Variants in OTC observed in about 807,000 individuals in gnomAD.
OTC encodes ornithine transcarbamylase, mitochondrial.
In OTC, 3 loss-of-function variants were observed where a neutral mutation model predicts 30.3. That is an observed-to-expected ratio of 0.10 (90% CI 0.05 to 0.26). The LOEUF (loss-of-function observed/expected upper bound fraction) is 0.26, where lower values mean the gene tolerates loss of function less well. Among genes scored for constraint, OTC ranks in the 10% least tolerant of loss-of-function variants. OTC has a pLI of 1.00. For missense variants in OTC, 194 were observed against 260.3 expected, an observed-to-expected ratio of 0.75 and a Z score of 1.75; for synonymous variants, 111 against 99.7, an observed-to-expected ratio of 1.11 and a Z score of -0.67.
At chrX:38,332,472 G>A in the OTC span, among the ~76,000 whole-genome samples, 1 of 73,503 alleles carries the variant, frequency 1.4e-5, no homozygotes, top group African/African-American at 5.1e-5. Flanking sequence ...TATATATGAT[G>A]TGTATATATA....
intron 1 of OTC, 67 bp from the exon 2 acceptor site, chrX:38,367,224 T>A: frequency 1.1e-6 from 1 of 931,657 alleles, no homozygotes; most frequent in South Asian, 2.1e-5. Flanking sequence ...AGTAAAACAA[T>A]GAATCACCAT....
chrX:38,408,014 G>A (rs760836753), intron 6 of OTC, among the ~76,000 whole-genome samples: 1 of 112,041 alleles, frequency 8.9e-6, no homozygotes, highest in Admixed American at 9.4e-5. Flanking sequence ...GTGCATGCAT[G>A]ACCCTGAGAA....
At chrX:38,375,840 A>G (rs959241866) in intron 3 of OTC, among the ~76,000 whole-genome samples, 2 of 111,331 alleles carry the variant, frequency 1.8e-5, no homozygotes, top group Admixed American at 9.6e-5. Context: ...ACAATTATAA[A>G]GAGAGTAAGT....
At chrX:38,334,480 G>A in the OTC span, among the ~76,000 whole-genome samples, 1 of 111,685 alleles carries the variant, frequency 9.0e-6, no homozygotes. Flanking sequence ...GCTTTCCTGG[G>A]TAGATATCTA....
intron 4 of OTC, among the ~76,000 whole-genome samples, chrX:38,398,276 A>G (rs766298537): frequency 1.0e-3 from 113 of 111,655 alleles, no homozygotes; most frequent in African/African-American, 3.6e-3. Context: ...TAATTACTTC[A>G]AGGTTTTAAA....
At chrX:38,414,081 TACCTC>T (rs2068557849) in intron 9 of OTC, among the ~76,000 whole-genome samples, 1 of 111,654 alleles carries the variant, frequency 9.0e-6, no homozygotes, top group African/African-American at 3.3e-5. Context: ...TCCAACCACA[TACCTC>T]AGGAAGAGAC....
chrX:38,409,418 G>T (rs2068532713), intron 8 of OTC, among the ~76,000 whole-genome samples: 1 of 112,505 alleles, frequency 8.9e-6, no homozygotes, highest in Admixed American at 9.4e-5. Context: ...ATTTTCCAAG[G>T]ACCTCTAAAT....
At chrX:38,345,503 T>C in the OTC span, among the ~76,000 whole-genome samples, 2 of 107,668 alleles carry the variant, frequency 1.9e-5, no homozygotes, top group African/African-American at 6.8e-5. Flanking sequence ...TTAGGGAGGG[T>C]CAGAATTTTG....
intron 3 of OTC, among the ~76,000 whole-genome samples, chrX:38,373,981 A>G (rs932830782): frequency 5.4e-5 from 6 of 111,066 alleles, no homozygotes; most frequent in Admixed American, 1.9e-4. Flanking sequence ...TGGCTAACAC[A>G]GTGAAACCCC....
intron 9 of OTC, among the ~76,000 whole-genome samples, chrX:38,416,911 T>C (rs1382563657): frequency 8.9e-6 from 1 of 111,816 alleles, no homozygotes; most frequent in Non-Finnish European, 1.9e-5. Flanking sequence ...TTACAGTGTC[T>C]TTTACCTGGT....
chrX:38,368,122 G>C (rs1411045591), intron 2 of OTC, among the ~76,000 whole-genome samples: 2 of 34,283 alleles, frequency 5.8e-5, no homozygotes, highest in African/African-American at 9.3e-4. Context: ...AGCACTTAGG[G>C]AGGCCAGGCA....
At chrX:38,419,872 G>C (rs2068586697) in intron 9 of OTC, among the ~76,000 whole-genome samples, 1 of 111,140 alleles carries the variant, frequency 9.0e-6, no homozygotes, top group Non-Finnish European at 1.9e-5. Context: ...GGGAAGGAAG[G>C]CAATGGGGAG....
intron 4 of OTC, chrX:38,395,792 C>A (rs2068453417): frequency 9.0e-6 from 1 of 111,476 alleles, no homozygotes; most frequent in African/African-American, 3.3e-5. Flanking sequence ...CTCTGAAAGC[C>A]AAGTCTTCCT....
At chrX:38,383,899 T>C (rs748837047) in intron 4 of OTC, among the ~76,000 whole-genome samples, 90 of 111,405 alleles carry the variant, frequency 8.1e-4, no homozygotes, top group South Asian at 3.0e-3. Flanking sequence ...GGTTTGATGA[T>C]TCACTAGGAG....
At chrX:38,409,914 C>T (rs1328059733) in intron 8 of OTC, among the ~76,000 whole-genome samples, 12 of 111,917 alleles carry the variant, frequency 1.1e-4, no homozygotes, top group Non-Finnish European at 2.1e-4. Flanking sequence ...GAGACTATTC[C>T]TAGAGGTAGC....
chrX:38,408,734 T>C lies in OTC; in HGVS notation c.664-8T>C. The C allele has an allele frequency of 6.8e-6, 8 of 1,171,500 alleles. No homozygotes were observed. The highest frequency in any genetic ancestry group is 9.3e-6 in the Non-Finnish European group (8 of 859,188). ...ACCTAAATAAGATTTAAATTCTTCC[T>C]CCTTTAGGGTTATGAGCCGGATGCT... On this transcript the variant is annotated splice_polypyrimidine_tract_variant and splice_region_variant and intron_variant, in intron 6 of 9. Transcript: ENST00000039007.
chrX:38,339,851 G>C, the OTC span, among the ~76,000 whole-genome samples: 1 of 111,353 alleles, frequency 9.0e-6, no homozygotes, highest in Non-Finnish European at 1.9e-5. Context: ...GTCTTATCAA[G>C]GTTGATGCAT....
chrX:38,421,425 A>C lies in OTC; in HGVS notation c.*343A>C. ...AAGTGTAATCTATGCTTATTACCTA[A>C]ATAAATTATCACCCATGCTAATTTA... is the stretch of plus-strand genomic sequence containing the variant. On this transcript the variant is annotated 3_prime_UTR_variant, in exon 10 of 10. Transcript: ENST00000039007. 1 of 186,579 alleles carries C rather than the reference A, an allele frequency of 5.4e-6. No individual in the cohort carries two copies. 15.4% of individuals were successfully genotyped at this position (186,579 alleles called of 1,213,427 possible). A position where few individuals can be genotyped will look rare whatever the true frequency, so the allele number is the denominator to read the frequency against.
intron 1 of OTC, among the ~76,000 whole-genome samples, chrX:38,354,321 A>T (rs764569374): frequency 7.4e-4 from 83 of 112,237 alleles, no homozygotes; most frequent in Middle Eastern, 4.6e-3. Context: ...TTAGTATTCC[A>T]TTACACTGAG....
Sources: allele counts gnomAD v4.1 joint callset (sites outside exome capture counted in the v4.1 genomes callset), GRCh38; gene constraint gnomAD v4.1.1; transcripts MANE v1.5; gene names NCBI Gene and HGNC (gene_info 2026-07-23, HGNC 2026-07-21).